The following AFDN variants were observed in gnomAD, a reference collection of about 807,000 sequenced individuals.
AFDN encodes afadin.
A neutral mutation model predicts 216.6 loss-of-function variants in AFDN; 68 were observed. The ratio of observed to expected loss-of-function variants is 0.31; its 90% confidence interval spans 0.26 to 0.38. The LOEUF (loss-of-function observed/expected upper bound fraction) is 0.38. AFDN is among the 10% of genes least tolerant of loss of function. The pLI is 1.00. For synonymous variants in AFDN, 868 were observed against 853.7 expected (o/e 1.02, Z -0.29); for missense variants, 2,136 against 2,342.0 (o/e 0.91, Z 1.82).
intron 1 of AFDN, among the ~76,000 whole-genome samples, chr6:167,848,282 G>C (rs2128163164): frequency 6.6e-6 from 1 of 152,222 alleles, no homozygotes; most frequent in Non-Finnish European, 1.5e-5. Flanking sequence ...ATCAGCAAAG[G>C]ATATATTACT....
intron 28 of AFDN, 166 bp from the exon 29 acceptor site, chr6:167,948,127 A>C: frequency 3.9e-6 from 3 of 778,468 alleles, no homozygotes; most frequent in Admixed American, 6.1e-5. Flanking sequence ...TTAAATTAAT[A>C]AGTCTGGGCA....
In AFDN at chr6:167,965,959, C is replaced by G. The variant is rs1583080924; in HGVS notation, c.5171C>G (p.Thr1724Arg). ...CAGCGAAACGCCTCCTACCTCAAAA[C>G]ACAGGTCCTCTCCCCCGACTCGCTG... The part of the protein sequence containing the change: ...PPQRNASYLK[T>R]QVLSPDSLFT... The change falls in exon 32 of 34, where the codon ACA becomes AGA. Residue 1724 changes from threonine to arginine, a missense_variant. By Grantham distance (71) the Thr-to-Arg change is moderately conservative. Around this residue, in one of 8 missense-constraint regions of AFDN, gnomAD observed 981 missense variants for 966.0 expected, o/e 1.02. Coordinates refer to ENST00000683244, the MANE Select transcript of AFDN (RefSeq NM_001386888.1). 6.6e-7 allele frequency: 1 copy of G among 1,520,686 alleles called. No individual in the cohort carries two copies. Among genetic ancestry groups the G allele is most frequent in the Non-Finnish European group, 8.9e-7 (1 of 1,129,338 alleles). The allele number at this position is 1,520,686 out of a possible 1,614,324, so 94.2% of individuals were successfully genotyped here.
chr6:167,893,977 A>C, intron 9 of AFDN, 71 bp downstream of exon 9: 1 of 1,119,694 alleles, frequency 8.9e-7, no homozygotes, highest in Non-Finnish European at 1.3e-6. Context: ...ATAGTGTTGA[A>C]TGACCAAATA....
At position 167,971,829 on chromosome 6, in the gene AFDN, A is replaced by G. The variant is rs1798043710; in HGVS notation, c.*1894A>G. On this transcript the variant is annotated 3_prime_UTR_variant, in exon 34 of 34. Coordinates refer to ENST00000683244, the MANE Select transcript of AFDN (RefSeq NM_001386888.1). ...CTTTTCAGAACTGCATTACTATGAG[A>G]AAACATCAAAACTGCTGTAGTTTTC... The G allele has an allele frequency of 9.8e-6, 2 of 205,094 alleles. No individual in the cohort carries two copies. Among genetic ancestry groups the G allele is most frequent in the Admixed American group, 1.2e-4 (2 of 16,710 alleles). 12.7% of individuals were successfully genotyped at this position (205,094 alleles called of 1,614,324 possible).
At chr6:167,863,718 G>T in intron 1 of AFDN, 2 of 504,496 alleles carry the variant, frequency 4.0e-6, no homozygotes, top group South Asian at 2.9e-5. Context: ...TCCCACAGTT[G>T]TGAGTGTCAG....
At chr6:167,876,523 G>A (rs1785403597) in intron 5 of AFDN, among the ~76,000 whole-genome samples, 1 of 152,180 alleles carries the variant, frequency 6.6e-6, no homozygotes, top group Non-Finnish European at 1.5e-5. Context: ...CTAAGAAATG[G>A]CTACATGTGC....
intron 1 of AFDN, among the ~76,000 whole-genome samples, chr6:167,850,859 A>T (rs1782214658): frequency 7.0e-6 from 1 of 142,988 alleles, no homozygotes; most frequent in Admixed American, 7.3e-5. Flanking sequence ...CAGAAATTGT[A>T]TTTCAACAAT....
chr6:167,853,127 T>A (rs1007289430), intron 1 of AFDN, among the ~76,000 whole-genome samples: 8 of 152,024 alleles, frequency 5.3e-5, no homozygotes, highest in African/African-American at 1.7e-4. Flanking sequence ...AACTAGGAGG[T>A]ATTTATATTT....
intron 15 of AFDN, 98 bp downstream of exon 15, chr6:167,911,587 A>G: frequency 9.1e-7 from 1 of 1,096,210 alleles, no homozygotes; most frequent in Non-Finnish European, 1.3e-6. Flanking sequence ...TTTGGTTACA[A>G]GATTTTTTTC....
At chr6:167,838,136 A>G (rs959873707) in intron 1 of AFDN, among the ~76,000 whole-genome samples, 3 of 152,232 alleles carry the variant, frequency 2.0e-5, no homozygotes, top group Admixed American at 2.0e-4. Context: ...TGTATCTTAT[A>G]TAGCATCCAG....
chr6:167,933,130 G>T (rs1793533906), intron 23 of AFDN, among the ~76,000 whole-genome samples: 1 of 152,172 alleles, frequency 6.6e-6, no homozygotes, highest in African/African-American at 2.4e-5. Context: ...GCCCCATTAG[G>T]TGGTTTTAAC....
At chr6:167,892,545 A>T (rs1309140175) in intron 8 of AFDN, among the ~76,000 whole-genome samples, 1 of 152,206 alleles carries the variant, frequency 6.6e-6, no homozygotes, top group African/African-American at 2.4e-5. Flanking sequence ...GAAATTAATA[A>T]ATAGCAGCTG....
chr6:167,831,046 A>G (rs1322442478), intron 1 of AFDN, among the ~76,000 whole-genome samples: 1 of 135,862 alleles, frequency 7.4e-6, no homozygotes, highest in Non-Finnish European at 1.5e-5. Context: ...GGTTCAAGTG[A>G]TTCTTGTGCC....
At chr6:167,948,503 C>A (rs775098251) in intron 29 of AFDN, 25 bp downstream of exon 29, 4 of 1,599,912 alleles carry the variant, frequency 2.5e-6, no homozygotes, top group East Asian at 2.2e-5. Context: ...ATTCCACACA[C>A]TTTTCTCACC....
At chr6:167,847,916 C>T (rs1017532210) in intron 1 of AFDN, among the ~76,000 whole-genome samples, 3 of 151,982 alleles carry the variant, frequency 2.0e-5, no homozygotes, top group Admixed American at 6.6e-5. Context: ...TTCCTAATAC[C>T]GTTTTTTCAC....
rs889723390 is a variant in AFDN at position 167,872,297 on chromosome 6, G to A, written c.498G>A (p.Lys166=). 1 of 1,613,750 alleles carries A rather than the reference G, an allele frequency of 6.2e-7. No homozygotes were observed. The highest frequency in any genetic ancestry group is 1.7e-5 in the Admixed American group (1 of 59,956). Residue 166 remains lysine, a synonymous_variant, in exon 4 of 34, where the codon AAG becomes AAA. Transcript: ENST00000683244. ...AGAGAACTCTCTCAAAGAAAGAAAA[G>A]AAGGAAAAAAAGAAGAGAGAAAAAG... ...NFKRTLSKKE[K]KEKKKREKEA...
In AFDN at chr6:167,965,761, G is replaced by A. The variant is rs767873954; in HGVS notation, c.4973G>A (p.Arg1658Gln). 8 of 1,538,206 alleles carry A rather than the reference G, an allele frequency of 5.2e-6. No homozygotes were observed. Among genetic ancestry groups the A allele is most frequent in the East Asian group, 4.6e-5 (2 of 43,338 alleles). ...RTKRDAEEKR[R>Q]QEEGYYSRLE... ...CTTGTCTATTCCCGCCCGCAGAGGCGACAGGAAGAAGGGTATTACAGCCGC... is the reference window on the plus strand; with the variant it reads ...CTTGTCTATTCCCGCCCGCAGAGGCAACAGGAAGAAGGGTATTACAGCCGC... The change falls in exon 32 of 34, where the codon CGA becomes CAA. Residue 1658 changes from arginine to glutamine, a missense_variant. Physicochemically the swap from Arg to Gln is conservative, Grantham distance 43. Coordinates refer to ENST00000683244, the MANE Select transcript of AFDN (RefSeq NM_001386888.1).
At chr6:167,832,621 A>C (rs1779950073) in intron 1 of AFDN, among the ~76,000 whole-genome samples, 1 of 152,244 alleles carries the variant, frequency 6.6e-6, no homozygotes. Context: ...ACAAGCAGGA[A>C]GGTATTTTCC....
At chr6:167,843,476 T>G (rs1781304356) in intron 1 of AFDN, among the ~76,000 whole-genome samples, 1 of 152,232 alleles carries the variant, frequency 6.6e-6, no homozygotes, top group Non-Finnish European at 1.5e-5. Context: ...GCACTAAACT[T>G]GAGCTCTTTG....
Sources: gnomAD v4.1 joint callset for allele counts (sites outside exome capture counted in the v4.1 genomes callset) on GRCh38, gnomAD v4.1.1 for gene constraint, gnomAD v4.1.1 regional missense constraint, MANE v1.5 for transcripts, NCBI Gene and HGNC (gene_info 2026-07-23, HGNC 2026-07-21) for gene names.